The following EXOC4 variants were observed in gnomAD, a reference collection of about 807,000 sequenced individuals.
The protein encoded by EXOC4 is exocyst complex component 4.
A neutral mutation model predicts 107.2 loss-of-function variants in EXOC4; 71 were observed. That is an observed-to-expected ratio of 0.66 (90% CI 0.55 to 0.81). EXOC4 has a LOEUF of 0.81. Ranked by LOEUF, EXOC4 falls within the 30% of genes least tolerant of loss-of-function variation. The probability of loss-of-function intolerance (pLI) is 0.00; values close to 1 mark genes in which losing one functional copy is unlikely to be tolerated. For synonymous variants in EXOC4, 456 were observed against 441.2 expected (o/e 1.03, Z -0.42); for missense variants, 1,108 against 1,189.6 (o/e 0.93, Z 1.01).
intron 13 of EXOC4, among the ~76,000 whole-genome samples, chr7:133,926,170 C>T (rs1373652297): frequency 6.6e-6 from 1 of 151,996 alleles, no homozygotes; most frequent in Non-Finnish European, 1.5e-5. Context: ...ATTATTATTC[C>T]TACTCAACAT....
chr7:133,750,498 A>C (rs967042744), intron 10 of EXOC4, among the ~76,000 whole-genome samples: 7 of 152,056 alleles, frequency 4.6e-5, no homozygotes, highest in Non-Finnish European at 7.4e-5. Context: ...GCTGTGAGGA[A>C]TCCAGCTTTA....
chr7:134,062,989 C>G (rs1485065205), intron 17 of EXOC4, among the ~76,000 whole-genome samples: 1 of 152,240 alleles, frequency 6.6e-6, no homozygotes, highest in Non-Finnish European at 1.5e-5. Flanking sequence ...CAATGCCCTG[C>G]CAGACCATTC....
At chr7:133,918,944 C>T (rs1184927242) in intron 13 of EXOC4, among the ~76,000 whole-genome samples, 2 of 152,194 alleles carry the variant, frequency 1.3e-5, no homozygotes, top group African/African-American at 2.4e-5. Context: ...TCTTATCTCT[C>T]TCAAATTGTG....
chr7:133,303,816 A>G (rs7793621), intron 3 of EXOC4, among the ~76,000 whole-genome samples: 3,013 of 152,342 alleles, frequency 0.02, 82 homozygotes, highest in African/African-American at 0.069. Flanking sequence ...CAAAGAAGGA[A>G]GGAACACTTA....
intron 5 of EXOC4, among the ~76,000 whole-genome samples, chr7:133,346,206 G>A (rs1287708811): frequency 2.0e-5 from 3 of 152,154 alleles, no homozygotes; most frequent in East Asian, 3.9e-4. Flanking sequence ...AACCTAGGTA[G>A]GCCCTTGATT....
chr7:133,889,325 C>T (rs995828016), intron 11 of EXOC4, among the ~76,000 whole-genome samples: 2 of 151,216 alleles, frequency 1.3e-5, no homozygotes, highest in South Asian at 2.1e-4. Flanking sequence ...GGAAGACCAG[C>T]GCTGTGTAAG....
chr7:133,974,202 A>G (rs1188972626), intron 14 of EXOC4, among the ~76,000 whole-genome samples: 1 of 152,212 alleles, frequency 6.6e-6, no homozygotes, highest in Non-Finnish European at 1.5e-5. Flanking sequence ...AGAAAGAATG[A>G]TATAGGGAGT....
At chr7:134,090,688 C>G in the EXOC4 span, among the ~76,000 whole-genome samples, 1 of 152,048 alleles carries the variant, frequency 6.6e-6, no homozygotes. Flanking sequence ...ATGAAGGGAT[C>G]TTTTCCAGCA....
chr7:133,475,896 T>C (rs953346945), intron 8 of EXOC4, among the ~76,000 whole-genome samples: 4 of 152,134 alleles, frequency 2.6e-5, no homozygotes, highest in Non-Finnish European at 5.9e-5. Flanking sequence ...TGGTTACTTG[T>C]TTAATAAAAG....
At chr7:133,586,484 A>G (rs549094743) in intron 9 of EXOC4, among the ~76,000 whole-genome samples, 6 of 152,262 alleles carry the variant, frequency 3.9e-5, no homozygotes, top group South Asian at 2.1e-4. Context: ...ATGGTCGTGT[A>G]TATGTACCAC....
chr7:133,594,691 A>G (rs1483366236), intron 9 of EXOC4, among the ~76,000 whole-genome samples: 1 of 151,576 alleles, frequency 6.6e-6, no homozygotes, highest in Non-Finnish European at 1.5e-5. Flanking sequence ...ATGGGGTTTC[A>G]CCATGTTGGC....
At chr7:133,490,769 A>T (rs888225641) in intron 9 of EXOC4, among the ~76,000 whole-genome samples, 16 of 152,242 alleles carry the variant, frequency 1.1e-4, no homozygotes, top group African/African-American at 3.9e-4. Context: ...ATGGGAAAAT[A>T]AAGGTCATTA....
chr7:133,413,549 C>G (rs1312597075), intron 7 of EXOC4, among the ~76,000 whole-genome samples: 3 of 152,262 alleles, frequency 2.0e-5, no homozygotes, highest in Non-Finnish European at 2.9e-5. Flanking sequence ...GACTTTCAGT[C>G]TTGCTACTTT....
the EXOC4 span, among the ~76,000 whole-genome samples, chr7:134,079,498 C>G: frequency 1.3e-5 from 2 of 152,138 alleles, no homozygotes; most frequent in African/African-American, 4.8e-5. Flanking sequence ...TCATTTCTTA[C>G]CCCTTTTATG....
intron 10 of EXOC4, among the ~76,000 whole-genome samples, chr7:133,662,269 C>G (rs140834374): frequency 4.6e-5 from 7 of 151,842 alleles, no homozygotes; most frequent in African/African-American, 1.7e-4. Flanking sequence ...AGAACATACC[C>G]GTATTAAGGG....
chr7:133,584,173 A>C (rs981147704), intron 9 of EXOC4, among the ~76,000 whole-genome samples: 31 of 152,072 alleles, frequency 2.0e-4, no homozygotes, highest in African/African-American at 7.5e-4. Flanking sequence ...TTTGGGAGAG[A>C]GGTCTGGGCC....
At chr7:133,528,413 T>C (rs1388483341) in intron 9 of EXOC4, among the ~76,000 whole-genome samples, 1 of 152,150 alleles carries the variant, frequency 6.6e-6, no homozygotes, top group Non-Finnish European at 1.5e-5. Flanking sequence ...GTGATTGTGA[T>C]TTTTGAATTT....
intron 1 of EXOC4, among the ~76,000 whole-genome samples, chr7:133,260,190 T>G (rs1402565345): frequency 1.3e-5 from 2 of 152,248 alleles, no homozygotes; most frequent in Admixed American, 1.3e-4. Context: ...GTTCCATTCA[T>G]GTTTATATTG....
chr7:133,869,324 A>G, intron 11 of EXOC4, among the ~76,000 whole-genome samples: 1 of 151,994 alleles, frequency 6.6e-6, no homozygotes, highest in Admixed American at 6.6e-5. Flanking sequence ...TTGGGGTAGG[A>G]CCAGCCTGGG....
Sources: gnomAD v4.1 joint callset for allele counts (sites outside exome capture counted in the v4.1 genomes callset) on GRCh38, gnomAD v4.1.1 for gene constraint, MANE v1.5 for transcripts, NCBI Gene and HGNC (gene_info 2026-07-23, HGNC 2026-07-21) for gene names.